The following LITAFD variants were observed in gnomAD, a reference collection of about 807,000 sequenced individuals.
LITAFD encodes the protein LITAF domain containing.
chr16:8,884,650 A>C (rs1342991870), intron 3 of LITAFD, among the ~76,000 whole-genome samples, 185 bp downstream of exon 3: 1 of 152,142 alleles, frequency 6.6e-6, no homozygotes, highest in African/African-American at 2.4e-5. Flanking sequence ...GGGACCTCCC[A>C]TGAGAACAGC....
At chr16:8,884,996 A>G in intron 3 of LITAFD, 191 bp from the exon 4 acceptor site, 1 of 398,208 alleles carries the variant, frequency 2.5e-6, no homozygotes, top group Non-Finnish European at 4.4e-6. Flanking sequence ...AGACTGAGGC[A>G]GGGGAGGCAG....
At chr16:8,883,983 T>G (rs1250256737) in intron 2 of LITAFD, among the ~76,000 whole-genome samples, 1 of 152,144 alleles carries the variant, frequency 6.6e-6, no homozygotes, top group Non-Finnish European at 1.5e-5. Flanking sequence ...GAGAATCGCT[T>G]GAACCCGGGA....
chr16:8,885,256 C>T (rs1389759345), exon 4 of LITAFD: 2 of 399,122 alleles, frequency 5.0e-6, no homozygotes, highest in Non-Finnish European at 4.4e-6. Context: ...ACTCGTGTCC[C>T]GTGTGTCAGC....
At position 8,883,812 on chromosome 16, in the gene LITAFD, C is replaced by G. The variant is rs1235582609; in HGVS notation, c.-33-511C>G. The stretch of plus-strand genomic sequence containing the variant: ...AGGTGCGGTGGCTCAGGCCTGTAAT[C>G]CCAGAACTTTGGGAGGCCAAGGCAG... On this transcript the variant is annotated intron_variant, in intron 2 of 3. Coordinates refer to ENST00000636296, the Ensembl canonical transcript of LITAFD. Among the ~76,000 whole-genome samples the G allele has an allele frequency of 3.9e-5, 6 of 152,204 alleles. No individual in the cohort carries two copies. In the South Asian group the frequency reaches 6.2e-4, roughly 16 times the overall value.
chr16:8,882,433 A>G (rs1882776658), exon 1 of LITAFD: 1 of 152,564 alleles, frequency 6.6e-6, no homozygotes, highest in East Asian at 1.9e-4. Context: ...GAGCACTCGG[A>G]GCTCAGAACA....
chr16:8,884,890 G>C (rs555598041), intron 3 of LITAFD, among the ~76,000 whole-genome samples: 1 of 152,302 alleles, frequency 6.6e-6, no homozygotes. Context: ...TTATAGACCA[G>C]CCTGACCAAT....
chr16:8,884,159 C>T (rs1567197304), intron 2 of LITAFD, among the ~76,000 whole-genome samples, 164 bp from the exon 3 acceptor site: 1 of 152,164 alleles, frequency 6.6e-6, no homozygotes, highest in Admixed American at 6.5e-5. Flanking sequence ...TCCTCCAAAC[C>T]GGGGTGGGGG....
At chr16:8,885,024 G>C in intron 3 of LITAFD, 163 bp from the exon 4 acceptor site, 1 of 398,992 alleles carries the variant, frequency 2.5e-6, no homozygotes, top group African/African-American at 2.1e-5. Context: ...AGTGAGCCAA[G>C]ATCACGCCAC....
chr16:8,885,080 C>T (rs188840829), intron 3 of LITAFD, 107 bp from the exon 4 acceptor site: 12 of 398,892 alleles, frequency 3.0e-5, no homozygotes, highest in African/African-American at 2.3e-4. Flanking sequence ...CTCAAACATA[C>T]ACACACACGC....
At chr16:8,883,935 C>T (rs2061553192) in intron 2 of LITAFD, among the ~76,000 whole-genome samples, 1 of 152,168 alleles carries the variant, frequency 6.6e-6, no homozygotes, top group Non-Finnish European at 1.5e-5. Flanking sequence ...TGTGATGGCA[C>T]ATGTCTATAG....
rs1454987686 is a variant in LITAFD at position 8,884,472 on chromosome 16, G to T, written c.110+7G>T. ...CCACCCTCTTCCTGTTCGGGTGAGT[G>T]GCCGCCCCTCCGCCGCTGCAGAGGC... On this transcript the variant is annotated splice_region_variant and intron_variant, in intron 3 of 3. Transcript: ENST00000636296. The T allele has an allele frequency of 2.5e-6, 1 of 399,236 alleles. No homozygotes were observed. Among genetic ancestry groups the T allele is most frequent in the Non-Finnish European group, 4.4e-6 (1 of 226,324 alleles). 24.7% of individuals were successfully genotyped at this position (399,236 alleles called of 1,614,324 possible).
intron 3 of LITAFD, 139 bp downstream of exon 3, chr16:8,884,604 T>G (rs1427804296): frequency 5.0e-6 from 2 of 396,546 alleles, no homozygotes; most frequent in Admixed American, 4.4e-5. Context: ...GTGGGGCCAT[T>G]ACCTCCTTGA....
intron 2 of LITAFD, among the ~76,000 whole-genome samples, chr16:8,884,008 T>C (rs192600607): frequency 2.0e-4 from 30 of 152,256 alleles, no homozygotes; most frequent in Admixed American, 7.9e-4. Flanking sequence ...GAGGTTGCAG[T>C]GAGCTGAGAT....
chr16:8,884,411 C>T (rs943802300), exon 3 of LITAFD: 13 of 399,192 alleles, frequency 3.3e-5, no homozygotes, highest in Non-Finnish European at 5.7e-5. Flanking sequence ...ACGGTGACGA[C>T]CTTTGTCCCG....
chr16:8,883,450 G>A (rs2061551038), intron 2 of LITAFD, among the ~76,000 whole-genome samples, 164 bp downstream of exon 2: 1 of 152,102 alleles, frequency 6.6e-6, no homozygotes, highest in South Asian at 2.1e-4. Flanking sequence ...CCCCGCAGCT[G>A]GCCAGCTGCC....
At chr16:8,884,381 A>T in exon 3 of LITAFD, 1 of 399,092 alleles carries the variant, frequency 2.5e-6, no homozygotes, top group Non-Finnish European at 4.4e-6. Flanking sequence ...GTGTGTCCCT[A>T]CTGTGGAAAC....
At position 8,884,481 on chromosome 16, in the gene LITAFD, TCCG is replaced by T; in HGVS notation, c.110+21_110+23del. The T allele has an allele frequency of 6.9e-6, 1 of 144,690 alleles. No individual in the cohort carries two copies. The highest frequency in any genetic ancestry group is 6.9e-5 in the Admixed American group (1 of 14,536). 9.0% of individuals were successfully genotyped at this position (144,690 alleles called of 1,614,324 possible). ...TCCTGTTCGGGTGAGTGGCCGCCCC[TCCG>T]CCGCTGCAGAGGCCTGAGCATTGGT... On this transcript the variant is annotated intron_variant, in intron 3 of 3. Coordinates refer to ENST00000636296, the Ensembl canonical transcript of LITAFD.
chr16:8,885,094 G>A (rs1327568237), intron 3 of LITAFD, 93 bp from the exon 4 acceptor site: 2 of 399,178 alleles, frequency 5.0e-6, no homozygotes, highest in Non-Finnish European at 8.8e-6. Flanking sequence ...CACACGCCCA[G>A]GCCCCTCCCA....
intron 2 of LITAFD, among the ~76,000 whole-genome samples, 157 bp downstream of exon 2, chr16:8,883,443 CGCAGCTGGCCAGCTGCCCCT>C (rs986783017): frequency 2.6e-5 from 4 of 152,094 alleles, no homozygotes; most frequent in African/African-American, 9.7e-5. Context: ...TGTGGGACCC[CGCAGCTGGCCAGCTGCCCCT>C]GCTCCCATGC....
Sources: gnomAD v4.1 joint callset for allele counts (sites outside exome capture counted in the v4.1 genomes callset) on GRCh38, gnomAD v4.1.1 for gene constraint, MANE v1.5 for transcripts, NCBI Gene and HGNC (gene_info 2026-07-23, HGNC 2026-07-21) for gene names.